The following LUZP2 variants were observed in gnomAD, a reference collection of about 807,000 sequenced individuals.
The protein encoded by LUZP2 is leucine zipper protein 2.
LUZP2 carries 52 observed loss-of-function variants against 51.6 expected under a neutral mutation model. The ratio of observed to expected loss-of-function variants is 1.01; its 90% CI spans 0.81 to 1.27. LUZP2 has a LOEUF of 1.27. LUZP2 is among the 50% of genes most tolerant of loss of function. The probability of loss-of-function intolerance (pLI) is 0.00; values close to 1 mark genes in which losing one functional copy is unlikely to be tolerated. For missense variants in LUZP2, 436 were observed against 395.4 expected, an observed-to-expected ratio of 1.10 and a Z score of -0.87; for synonymous variants, 154 against 137.3, an observed-to-expected ratio of 1.12 and a Z score of -0.85.
At chr11:24,778,297 T>C (rs565765921) in intron 5 of LUZP2, among the ~76,000 whole-genome samples, 83 of 152,120 alleles carry the variant, frequency 5.5e-4, no homozygotes, top group African/African-American at 2.0e-3. Flanking sequence ...ATGCCTGTAG[T>C]CTTAGCTATT....
At chr11:25,029,335 C>T (rs992293066) in intron 9 of LUZP2, among the ~76,000 whole-genome samples, 22 of 151,980 alleles carry the variant, frequency 1.4e-4, no homozygotes, top group African/African-American at 4.6e-4. Flanking sequence ...ATCTCATGTA[C>T]TCCATAAATA....
intron 7 of LUZP2, among the ~76,000 whole-genome samples, chr11:24,969,868 T>C (rs1260721605): frequency 6.6e-6 from 1 of 152,100 alleles, no homozygotes; most frequent in Non-Finnish European, 1.5e-5. Flanking sequence ...ATCTCATGAC[T>C]TGTTCATCTG....
chr11:24,881,959 A>G (rs28415782), intron 5 of LUZP2, among the ~76,000 whole-genome samples: 74,537 of 151,316 alleles, frequency 0.49, 18,872 homozygotes, highest in East Asian at 0.75. Flanking sequence ...AATATTCATG[A>G]TTTTATTTGT....
At chr11:24,505,313 A>G (rs1168106793) in intron 1 of LUZP2, among the ~76,000 whole-genome samples, 1 of 152,126 alleles carries the variant, frequency 6.6e-6, no homozygotes, top group Non-Finnish European at 1.5e-5. Context: ...GGAGATGACA[A>G]GAGGTGTTTG....
intron 5 of LUZP2, among the ~76,000 whole-genome samples, chr11:24,866,091 G>T (rs967574139): frequency 2.0e-5 from 3 of 150,384 alleles, no homozygotes; most frequent in Admixed American, 1.3e-4. Flanking sequence ...TTACAGGCGT[G>T]AGTCTCCCGG....
chr11:24,894,429 C>T (rs1254473520), intron 5 of LUZP2, among the ~76,000 whole-genome samples: 1 of 152,152 alleles, frequency 6.6e-6, no homozygotes, highest in Admixed American at 6.5e-5. Flanking sequence ...CCCGCCTCGG[C>T]CTCCCAAAGT....
intron 5 of LUZP2, among the ~76,000 whole-genome samples, chr11:24,829,973 G>T (rs1224146901): frequency 6.6e-6 from 1 of 152,140 alleles, no homozygotes; most frequent in Non-Finnish European, 1.5e-5. Flanking sequence ...GAGAGATAGG[G>T]TAACAGTGAT....
At chr11:24,543,215 A>ATTTTTTTTTTTTTTTTTATTTTTTTTTTT (rs1564980528) in intron 1 of LUZP2, among the ~76,000 whole-genome samples, 1 of 152,064 alleles carries the variant, frequency 6.6e-6, no homozygotes, top group African/African-American at 2.4e-5. Context: ...TGTTTGGTTT[A>ATTTTTTTTTTTTTTTTTATTTTTTTTTTT]TTTAAAATAT....
chr11:24,676,741 A>T (rs1856566077), intron 1 of LUZP2, among the ~76,000 whole-genome samples: 1 of 151,706 alleles, frequency 6.6e-6, no homozygotes, highest in South Asian at 2.1e-4. Flanking sequence ...TTGGCTCACC[A>T]CAGCCTCCTC....
At chr11:24,605,796 T>A (rs1853897222) in intron 1 of LUZP2, among the ~76,000 whole-genome samples, 1 of 151,856 alleles carries the variant, frequency 6.6e-6, no homozygotes, top group Admixed American at 6.6e-5. Context: ...TGCAATATGT[T>A]AGGTCTCCAG....
chr11:24,631,749 T>C (rs1219869658), intron 1 of LUZP2, among the ~76,000 whole-genome samples: 1 of 148,350 alleles, frequency 6.7e-6, no homozygotes, highest in Non-Finnish European at 1.5e-5. Flanking sequence ...TTGGGAGCTT[T>C]AGGATGCTTG....
chr11:24,610,755 G>T (rs570856713), intron 1 of LUZP2, among the ~76,000 whole-genome samples: 3 of 152,154 alleles, frequency 2.0e-5, no homozygotes, highest in Admixed American at 1.3e-4. Flanking sequence ...AGACCAGCCC[G>T]GCCAACATGG....
chr11:25,001,420 C>T (rs536228262), intron 9 of LUZP2, among the ~76,000 whole-genome samples: 3 of 152,148 alleles, frequency 2.0e-5, no homozygotes, highest in Non-Finnish European at 2.9e-5. Flanking sequence ...GGGAGTTCCT[C>T]CTAGATTTGT....
chr11:24,733,222 GTTTATTA>G (rs1430486016), intron 3 of LUZP2, among the ~76,000 whole-genome samples: 1 of 151,670 alleles, frequency 6.6e-6, no homozygotes, highest in Non-Finnish European at 1.5e-5. Context: ...ATAGTGACAT[GTTTATTA>G]TTTATTTAAT....
chr11:25,007,942 C>G (rs1001948701), intron 9 of LUZP2, among the ~76,000 whole-genome samples: 4 of 152,178 alleles, frequency 2.6e-5, no homozygotes, highest in African/African-American at 9.6e-5. Flanking sequence ...TGCTTGTGAA[C>G]AGAAACAGTT....
intron 1 of LUZP2, among the ~76,000 whole-genome samples, chr11:24,542,433 G>A (rs190566112): frequency 6.6e-6 from 1 of 151,954 alleles, no homozygotes; most frequent in Non-Finnish European, 1.5e-5. Flanking sequence ...AAAAGGGAAA[G>A]TATGTCTTCA....
In LUZP2 at chr11:24,559,611, T is replaced by C. The variant is rs61875635; in HGVS notation, c.62+62306T>C. 8.4e-3 allele frequency among the ~76,000 whole-genome samples: 1,279 copies of C among 152,328 alleles called. 7 individuals carry two copies. The highest frequency in any genetic ancestry group is 0.014 in the Non-Finnish European group (973 of 68,032). On this transcript the variant is annotated intron_variant, in intron 1 of 11. Coordinates refer to ENST00000336930, the MANE Select transcript of LUZP2 (RefSeq NM_001009909.4). ...TTAAATTTTTTATGACAAACTGCTG[T>C]GATAACCTAAAGTACATAAAGTAGG... is the stretch of plus-strand genomic sequence containing the variant.
At chr11:24,742,941 G>T (rs1859239479) in intron 4 of LUZP2, among the ~76,000 whole-genome samples, 1 of 151,968 alleles carries the variant, frequency 6.6e-6, no homozygotes, top group Admixed American at 6.6e-5. Context: ...ACCATTTGTT[G>T]AAAAGGGTGT....
intron 1 of LUZP2, among the ~76,000 whole-genome samples, chr11:24,521,039 G>T (rs551391193): frequency 6.6e-6 from 1 of 152,262 alleles, no homozygotes; most frequent in Admixed American, 6.5e-5. Flanking sequence ...GTTGCCATTT[G>T]GTGTAATCTT....
Sources: allele counts gnomAD v4.1 joint callset (sites outside exome capture counted in the v4.1 genomes callset), GRCh38; gene constraint gnomAD v4.1.1; transcripts MANE v1.5; gene names NCBI Gene and HGNC (gene_info 2026-07-23, HGNC 2026-07-21).